Variants in TPM1 observed in about 807,000 individuals in gnomAD.
The protein encoded by TPM1 is tropomyosin alpha-1 chain.
A neutral mutation model predicts 42.9 loss-of-function variants in TPM1; 24 were observed. That is an observed-to-expected ratio of 0.56 (90% CI 0.41 to 0.79). TPM1 has a LOEUF of 0.79. Ranked by LOEUF, TPM1 falls within the 30% of genes least tolerant of loss-of-function variation. TPM1 has a pLI of 0.00. For missense variants in TPM1, 158 were observed against 351.8 expected (o/e 0.45, Z 4.41); for synonymous variants, 136 against 130.1 (o/e 1.05, Z -0.31).
chr15:63,069,746 C>G (rs1024353926), downstream of TPM1: 1 of 1,223,402 alleles, frequency 8.2e-7, no homozygotes, highest in Non-Finnish European at 1.2e-6. Context: ...AACTGCTCAG[C>G]AAGTGACCAG....
chr15:63,066,790 G>T (rs1313707848), downstream of TPM1, among the ~76,000 whole-genome samples: 2 of 151,900 alleles, frequency 1.3e-5, no homozygotes, highest in Non-Finnish European at 2.9e-5. Context: ...GATTTGTTTT[G>T]TGCTTTTTAG....
downstream of TPM1, chr15:63,070,581 A>G (rs775653798): frequency 2.1e-4 from 214 of 1,009,326 alleles, no homozygotes; most frequent in African/African-American, 8.0e-4. Context: ...TGCATGAAAC[A>G]TGTTGACAAT....
intron 1 of TPM1, 62 bp from the exon 2 acceptor site, chr15:63,043,965 C>T (rs2031825221): frequency 6.3e-7 from 1 of 1,582,306 alleles, no homozygotes; most frequent in Non-Finnish European, 8.6e-7. Flanking sequence ...CACCCCTCCC[C>T]TTCGGGATCA....
chr15:63,066,294 C>A, downstream of TPM1: 2 of 751,988 alleles, frequency 2.7e-6, no homozygotes, highest in Non-Finnish European at 3.5e-6. Flanking sequence ...AATACCCAGG[C>A]CTGCATTCCC....
At chr15:63,053,317 G>A (rs2034233080) in intron 2 of TPM1, among the ~76,000 whole-genome samples, 1 of 152,156 alleles carries the variant, frequency 6.6e-6, no homozygotes, top group Admixed American at 6.5e-5. Context: ...GGGGGCCGGA[G>A]AACATCTCAA....
intron 2 of TPM1, chr15:63,049,268 C>T (rs1388485646): frequency 1.2e-5 from 2 of 171,476 alleles, no homozygotes; most frequent in African/African-American, 4.8e-5. Context: ...GCGCCGCGTT[C>T]TGCTGGAAGA....
At chr15:63,048,177 C>T (rs750596609) in intron 2 of TPM1, 13 of 452,858 alleles carry the variant, frequency 2.9e-5, no homozygotes, top group African/African-American at 2.2e-4. Context: ...GCTCCGTTAC[C>T]CCGGGTCACC....
intron 4 of TPM1, 118 bp from the exon 5 acceptor site, chr15:63,060,751 A>G: frequency 1.8e-6 from 2 of 1,093,454 alleles, no homozygotes; most frequent in Admixed American, 3.5e-5. Context: ...AAAGAGGATC[A>G]TATTGTTTGT....
intron 2 of TPM1, chr15:63,046,437 T>G (rs567303581): frequency 1.3e-5 from 2 of 152,340 alleles, no homozygotes; most frequent in Non-Finnish European, 2.9e-5. Context: ...ATTAGGACAT[T>G]TCATTGTCAT....
chr15:63,048,292 T>C, intron 2 of TPM1: 1 of 758,136 alleles, frequency 1.3e-6, no homozygotes, highest in Middle Eastern at 2.9e-4. Context: ...CGGGAGCGCC[T>C]TTCTCCCCGC....
intron 2 of TPM1, among the ~76,000 whole-genome samples, chr15:63,051,762 C>T (rs2033918263): frequency 6.6e-6 from 1 of 152,136 alleles, no homozygotes; most frequent in Non-Finnish European, 1.5e-5. Context: ...ATTCTCCCAC[C>T]AGTATTTTTT....
chr15:63,043,315 A>G lies in TPM1; in HGVS notation c.114+372A>G, dbSNP rs2031589152. The G allele has an allele frequency of 1.7e-5, 9 of 535,402 alleles. 1 individual carries two copies. The highest frequency in any genetic ancestry group is 1.4e-4 in the South Asian group (9 of 62,760). The allele number at this position is 535,402 out of a possible 1,614,324, so 33.2% of individuals were successfully genotyped here. On this transcript the variant is annotated intron_variant, in intron 1 of 9. Coordinates refer to ENST00000403994, the MANE Select transcript of TPM1 (RefSeq NM_001018005.2). Reference sequence around the variant, plus strand: ...GGGGTCGAGTAACTCAAGTGTTAGAAGTTCGTTGACTTTTGACTGGGGAGA... The same window carrying G: ...GGGGTCGAGTAACTCAAGTGTTAGAGGTTCGTTGACTTTTGACTGGGGAGA...
rs916724148 is a variant in TPM1 at position 63,058,522 on chromosome 15, C to T, written c.375-1041C>T. On this transcript the variant is annotated intron_variant, in intron 3 of 9. Coordinates refer to ENST00000403994, the MANE Select transcript of TPM1 (RefSeq NM_001018005.2). ...AGGGATTCGAGACCAGCCTGGCTAA[C>T]GTGGCATAACCCCTAAATCTACTAA... Among the ~76,000 whole-genome samples, 9 of 152,072 alleles carry T rather than the reference C, an allele frequency of 5.9e-5. No individual in the cohort carries two copies. In the South Asian group the frequency reaches 6.2e-4, roughly 11 times the overall value.
chr15:63,044,245 C>T, intron 2 of TPM1, 93 bp downstream of exon 2: 1 of 1,594,286 alleles, frequency 6.3e-7, no homozygotes, highest in Non-Finnish European at 8.6e-7. Flanking sequence ...GGAAGTTTAC[C>T]TTTTCCTGCT....
At chr15:63,053,264 T>G (rs533185845) in intron 2 of TPM1, among the ~76,000 whole-genome samples, 1 of 152,316 alleles carries the variant, frequency 6.6e-6, no homozygotes, top group African/African-American at 2.4e-5. Context: ...CTCCCAGTCC[T>G]GGTTAGGATC....
chr15:63,066,142 C>G lies in TPM1; in HGVS notation c.*243C>G. The G allele has an allele frequency of 6.8e-7, 1 of 1,470,146 alleles. No individual in the cohort carries two copies. The highest frequency in any genetic ancestry group is 8.9e-7 in the Non-Finnish European group (1 of 1,121,860). The allele number at this position is 1,470,146 out of a possible 1,614,324, so 91.1% of individuals were successfully genotyped here. A position where few individuals can be genotyped will look rare whatever the true frequency, so the allele number is the denominator to read the frequency against. On this transcript the variant is annotated 3_prime_UTR_variant, in exon 10 of 10. Transcript: ENST00000403994. ...TTCTTATTTATTGACATTTTAGTTTCAACATTGAATAAAACTACAAAGCTG... is the reference window on the plus strand; with the variant it reads ...TTCTTATTTATTGACATTTTAGTTTGAACATTGAATAAAACTACAAAGCTG...
intron 2 of TPM1, chr15:63,047,100 C>G (rs1047093448): frequency 6.6e-6 from 1 of 152,280 alleles, no homozygotes; most frequent in Non-Finnish European, 1.5e-5. Flanking sequence ...GTTGGAGGCC[C>G]ACAGTCTCTG....
rs555739810 is a variant in TPM1, at chr15:63,043,262, T to C, written c.114+319T>C. 1.2e-4 allele frequency: 63 copies of C among 509,732 alleles called. No individual in the cohort carries two copies. In the Middle Eastern group the frequency reaches 1.7e-3, roughly 14 times the overall value. 31.6% of individuals were successfully genotyped at this position (509,732 alleles called of 1,614,324 possible). Reference sequence around the variant, plus strand: ...GAGGACACCCGGTTCCTGGGGACGTTTGAAGGAAGGGCGAGGGATGGAGAA... The same window carrying C: ...GAGGACACCCGGTTCCTGGGGACGTCTGAAGGAAGGGCGAGGGATGGAGAA... On this transcript the variant is annotated intron_variant, in intron 1 of 9. Transcript: ENST00000403994.
chr15:63,044,474 G>GGT (rs1566938242), intron 2 of TPM1: 1 of 586,428 alleles, frequency 1.7e-6, no homozygotes. Flanking sequence ...AAACCCTTGA[G>GGT]GTGTCATCAC....
Sources: gnomAD v4.1 joint callset for allele counts (sites outside exome capture counted in the v4.1 genomes callset) on GRCh38, gnomAD v4.1.1 for gene constraint, MANE v1.5 for transcripts, NCBI Gene and HGNC (gene_info 2026-07-23, HGNC 2026-07-21) for gene names.